Variants in PIEZO2 observed in about 807,000 individuals in gnomAD.
PIEZO2 encodes the protein piezo type mechanosensitive ion channel component 2, also known as piezo-type mechanosensitive ion channel component 2.
PIEZO2 carries 172 observed loss-of-function variants against 337.3 expected under a neutral mutation model. That is an observed-to-expected ratio of 0.51 (90% CI 0.45 to 0.58). PIEZO2 has a LOEUF of 0.58. Among genes scored for constraint, PIEZO2 ranks in the 20% least tolerant of loss-of-function variants. The pLI is 0.00. For missense variants in PIEZO2, 3,028 were observed against 3,391.3 expected, an observed-to-expected ratio of 0.89 and a Z score of 2.66; for synonymous variants, 1,251 against 1,228.5, an observed-to-expected ratio of 1.02 and a Z score of -0.38.
intron 7 of PIEZO2, among the ~76,000 whole-genome samples, chr18:10,816,368 C>T (rs1598525015): frequency 2.6e-5 from 4 of 152,158 alleles, no homozygotes; most frequent in Admixed American, 2.6e-4. Context: ...GCTTCCAAAG[C>T]ACTTACATGT....
At position 10,813,721 on chromosome 18, in the gene PIEZO2, C is replaced by T. The variant is rs953950496; in HGVS notation, c.918-6447G>A. Among the ~76,000 whole-genome samples, 2 of 152,044 alleles carry T rather than the reference C, an allele frequency of 1.3e-5. No individual in the cohort carries two copies. The highest frequency in any genetic ancestry group is 2.9e-5 in the Non-Finnish European group (2 of 68,016). ...TGGGTGAACAAATATCTCTTCAAGA[C>T]CCTGTTTTCAATTCTTTTCTATATA... On this transcript the variant is annotated intron_variant, in intron 7 of 55. Transcript: ENST00000674853. The surrounding 1 kb of genome is among the most constrained non-coding windows in gnomAD (Gnocchi z 4.2).
chr18:10,748,506 C>T lies in PIEZO2; in HGVS notation c.4389G>A (p.Val1463=). The T allele has an allele frequency of 6.5e-7, 1 of 1,537,050 alleles. No homozygotes were observed. Among genetic ancestry groups the T allele is most frequent in the Admixed American group, 2.0e-5 (1 of 50,974 alleles). ...VFMSYYFLHV[V]ADIKASQILA... ...GAATCTGGGAAGCTTTTATATCAGC[C>T]ACAACATGTAGAAAATAATAACTCA... The change falls in exon 30 of 56, where the codon GTG becomes GTA. Residue 1463 remains valine (V), a synonymous_variant. Coordinates refer to ENST00000674853, the MANE Select transcript of PIEZO2 (RefSeq NM_001378183.1). The surrounding 1 kb of genome is among the most constrained non-coding windows in gnomAD (Gnocchi z 5.1).
At chr18:10,706,797 T>C (rs1337425969) in intron 40 of PIEZO2, among the ~76,000 whole-genome samples, 3 of 152,220 alleles carry the variant, frequency 2.0e-5, no homozygotes, top group East Asian at 1.9e-4. Context: ...CACCTGGAGA[T>C]TGGGAATCTG....
In PIEZO2 at chr18:10,672,625, A is replaced by T; in HGVS notation, c.8345+65T>A. The T allele has an allele frequency of 1.3e-6, 2 of 1,525,838 alleles. No individual in the cohort carries two copies. Among genetic ancestry groups the T allele is most frequent in the Non-Finnish European group, 1.8e-6 (2 of 1,127,252 alleles). The allele number at this position is 1,525,838 out of a possible 1,614,324, so 94.5% of individuals were successfully genotyped here. On this transcript the variant is annotated intron_variant, in intron 55 of 55. Coordinates refer to ENST00000674853, the MANE Select transcript of PIEZO2 (RefSeq NM_001378183.1). The surrounding 1 kb of genome is among the most constrained non-coding windows in gnomAD (Gnocchi z 4.7). ...ATTCTAAGAAGATAAAAGGCTTCCC[A>T]CTCTCAACTTTACATGATACAGAAG...
At chr18:10,886,235 T>G (rs2144890529) in intron 4 of PIEZO2, among the ~76,000 whole-genome samples, 1 of 143,464 alleles carries the variant, frequency 7.0e-6, no homozygotes, top group East Asian at 2.1e-4. Flanking sequence ...GCAGTGTGTG[T>G]GCAGTATCCA....
chr18:10,704,352 A>T (rs2035473709), intron 42 of PIEZO2, 42 bp downstream of exon 42: 1 of 1,528,836 alleles, frequency 6.5e-7, no homozygotes, highest in Non-Finnish European at 8.8e-7. Flanking sequence ...CCCCTTGCAT[A>T]GCCGCCTGAA....
chr18:10,782,645 C>G lies in PIEZO2; in HGVS notation c.2492+2139G>C, dbSNP rs184089796. 3.5e-3 allele frequency among the ~76,000 whole-genome samples: 520 copies of G among 150,166 alleles called. 1 individual carries two copies. Among genetic ancestry groups the G allele is most frequent in the Middle Eastern group, 0.01 (3 of 294 alleles). On this transcript the variant is annotated intron_variant, in intron 17 of 55. Coordinates refer to ENST00000674853, the MANE Select transcript of PIEZO2 (RefSeq NM_001378183.1). ...CTTTACATTTACTTGGAAAATTCAC[C>G]GTTAAGGGAGTGCTTAGGGCTAAGC...
intron 8 of PIEZO2, among the ~76,000 whole-genome samples, chr18:10,805,530 T>C (rs1452095811): frequency 2.6e-5 from 4 of 152,126 alleles, no homozygotes; most frequent in Non-Finnish European, 5.9e-5. Flanking sequence ...AAAATATATA[T>C]GTATATTTAA....
chr18:10,789,997 TA>T (rs1344986122), intron 14 of PIEZO2, among the ~76,000 whole-genome samples: 2 of 152,208 alleles, frequency 1.3e-5, no homozygotes, highest in Non-Finnish European at 2.9e-5. Flanking sequence ...TATTTCAAAA[TA>T]ATTATTGGGG....
At position 10,752,841 on chromosome 18, in the gene PIEZO2, T is replaced by C. The variant is rs963291187; in HGVS notation, c.3962A>G (p.Tyr1321Cys). 6.5e-7 allele frequency: 1 copy of C among 1,536,884 alleles called. No homozygotes were observed. Among genetic ancestry groups the C allele is most frequent in the African/African-American group, 1.4e-5 (1 of 72,982 alleles). The change falls in exon 28 of 56, where the codon TAC (tyrosine) becomes TGC (cysteine). Residue 1321 changes from tyrosine to cysteine, a missense_variant. Coordinates refer to ENST00000674853, the MANE Select transcript of PIEZO2 (RefSeq NM_001378183.1). ...GATGGTGAGCACAAACCAGAAGAGG[T>C]AGCTGAAGATGATCACTTTGGACAT... ...LDMSKVIIFSYLFWFVLTIIF... is the reference protein window; with the variant it reads ...LDMSKVIIFSCLFWFVLTIIF...
chr18:10,939,434 T>C (rs144402457), intron 3 of PIEZO2, among the ~76,000 whole-genome samples: 6,118 of 151,302 alleles, frequency 0.04, 140 homozygotes, highest in Middle Eastern at 0.11. Flanking sequence ...CCCAAAGGAT[T>C]ACAAATCATT....
chr18:11,134,668 A>C (rs1440752758), intron 1 of PIEZO2, among the ~76,000 whole-genome samples: 1 of 152,208 alleles, frequency 6.6e-6, no homozygotes, highest in African/African-American at 2.4e-5. Flanking sequence ...CGTTGTACTA[A>C]ACTCTTAGAA....
In PIEZO2 at chr18:10,855,652, G is replaced by T; in HGVS notation, c.704-86C>A. On this transcript the variant is annotated intron_variant, in intron 6 of 55. Coordinates refer to ENST00000674853, the MANE Select transcript of PIEZO2 (RefSeq NM_001378183.1). This position sits in a 1 kb window ranked among gnomAD's most constrained non-coding sequence, Gnocchi z 4.9. ...TGAATGTGACTATTTGAAATTATGT[G>T]AATTTCCTTCAAGTGTTTTTAGGTT... is the stretch of plus-strand genomic sequence containing the variant. 2 of 1,086,028 alleles carry T rather than the reference G, an allele frequency of 1.8e-6. No homozygotes were observed. The highest frequency in any genetic ancestry group is 2.6e-6 in the Non-Finnish European group (2 of 774,966). The allele number at this position is 1,086,028 out of a possible 1,614,324, so 67.3% of individuals were successfully genotyped here. A position where few individuals can be genotyped will look rare whatever the true frequency, so the allele number is the denominator to read the frequency against.
rs570809893 is a variant in PIEZO2, at chr18:10,876,425, C to T, written c.330-5010G>A. 2.0e-5 allele frequency among the ~76,000 whole-genome samples: 3 copies of T among 152,284 alleles called. No individual in the cohort carries two copies. In the South Asian group the frequency reaches 6.2e-4, roughly 32 times the overall value. On this transcript the variant is annotated intron_variant, in intron 4 of 55. Coordinates refer to ENST00000674853, the MANE Select transcript of PIEZO2 (RefSeq NM_001378183.1). The stretch of plus-strand genomic sequence containing the variant: ...TTTGGGAAGTGCTGGGCTACAGAAT[C>T]TTCCTTGGTCTCTGTTTCTCTTTGA...
chr18:11,006,049 TA>T (rs36052439), intron 2 of PIEZO2, among the ~76,000 whole-genome samples: 7,273 of 152,326 alleles, frequency 0.048, 248 homozygotes, highest in African/African-American at 0.098. Context: ...CGTTGGATCT[TA>T]CATGCCTGTC....
At chr18:10,696,978 A>T (rs1191944812) in intron 45 of PIEZO2, among the ~76,000 whole-genome samples, 2 of 152,182 alleles carry the variant, frequency 1.3e-5, no homozygotes, top group African/African-American at 4.8e-5. Flanking sequence ...AAATGAGGGA[A>T]TGCATGAGGG....
At chr18:10,734,123 T>G (rs1294364380) in intron 35 of PIEZO2, among the ~76,000 whole-genome samples, 1 of 152,224 alleles carries the variant, frequency 6.6e-6, no homozygotes, top group African/African-American at 2.4e-5. Context: ...ATAATTTTTT[T>G]GAAAAGAAAC....
Position 10,672,610 on chromosome 18 carries a change from G to T in PIEZO2, c.8345+80C>A. On this transcript the variant is annotated intron_variant, in intron 55 of 55. Coordinates refer to ENST00000674853, the MANE Select transcript of PIEZO2 (RefSeq NM_001378183.1). The surrounding 1 kb of genome is among the most constrained non-coding windows in gnomAD (Gnocchi z 4.7). ...CTCTAAAATTAGCGAATTCTAAGAA[G>T]ATAAAAGGCTTCCCACTCTCAACTT... 1.4e-6 allele frequency: 2 copies of T among 1,466,986 alleles called. No homozygotes were observed. The highest frequency in any genetic ancestry group is 9.3e-7 in the Non-Finnish European group (1 of 1,076,346). 90.9% of individuals were successfully genotyped at this position (1,466,986 alleles called of 1,614,324 possible).
At chr18:10,721,095 C>T (rs1454207987) in intron 36 of PIEZO2, among the ~76,000 whole-genome samples, 3 of 152,084 alleles carry the variant, frequency 2.0e-5, no homozygotes, top group Admixed American at 6.5e-5. Flanking sequence ...CTTATCTTGC[C>T]TACCAGTTAC....
Sources: gnomAD v4.1 joint callset for allele counts (sites outside exome capture counted in the v4.1 genomes callset) on GRCh38, gnomAD v4.1.1 for gene constraint, Gnocchi (gnomAD v3.1) non-coding constraint, MANE v1.5 for transcripts, NCBI Gene and HGNC (gene_info 2026-07-23, HGNC 2026-07-21) for gene names.